CAMK1D: variants seen among roughly 807,000 people sequenced by gnomAD.
CAMK1D encodes the protein calcium/calmodulin dependent protein kinase ID.
A neutral mutation model predicts 47.7 loss-of-function variants in CAMK1D; 9 were observed. The observed-to-expected ratio is 0.19, with a 90% CI of 0.11 to 0.33. CAMK1D has a LOEUF of 0.33. Among genes scored for constraint, CAMK1D ranks in the 10% least tolerant of loss-of-function variants. The pLI is 1.00. For synonymous variants in CAMK1D, 184 were observed against 184.9 expected (o/e 0.99, Z 0.04); for missense variants, 291 against 488.7 (o/e 0.60, Z 3.81).
At chr10:12,819,736 C>G (rs898651287) in intron 8 of CAMK1D, among the ~76,000 whole-genome samples, 8 of 152,116 alleles carry the variant, frequency 5.3e-5, no homozygotes, top group Non-Finnish European at 1.0e-4. Context: ...TTTTAGACAA[C>G]CCAATCTGGT....
intron 1 of CAMK1D, among the ~76,000 whole-genome samples, chr10:12,431,873 G>A (rs1832487832): frequency 6.6e-6 from 1 of 152,242 alleles, no homozygotes; most frequent in African/African-American, 2.4e-5. Flanking sequence ...AACCTCTGAT[G>A]ATTCCTGACT....
chr10:12,786,305 CA>C (rs1171447319), intron 5 of CAMK1D, among the ~76,000 whole-genome samples: 3 of 152,176 alleles, frequency 2.0e-5, no homozygotes, highest in Admixed American at 2.0e-4. Context: ...CACCAGAAGA[CA>C]AATAGTTTAC....
In CAMK1D at chr10:12,825,588, A is replaced by C; in HGVS notation, c.937A>C (p.Thr313Pro). The C allele has an allele frequency of 6.2e-7, 1 of 1,605,302 alleles. No homozygotes were observed. Residue 313 changes from threonine to proline, a missense_variant, in exon 10 of 11, where the codon ACG (threonine) becomes CCG (proline). This residue lies in a region of CAMK1D where 219 missense variants were observed against 424.3 expected (regional missense o/e 0.52). Transcript: ENST00000619168. ...GAAATTTCAGCAAGCATTTAATGCC[A>C]CGGCCGTCGTCAGACATATGAGAAA... is the stretch of plus-strand genomic sequence containing the variant. ...KSKWRQAFNATAVVRHMRKLH... is the reference protein window; with the variant it reads ...KSKWRQAFNAPAVVRHMRKLH...
At chr10:12,518,095 G>T (rs1219742231) in intron 1 of CAMK1D, among the ~76,000 whole-genome samples, 3 of 152,082 alleles carry the variant, frequency 2.0e-5, no homozygotes, top group African/African-American at 7.2e-5. Context: ...CAGATTGCCT[G>T]TTTTTTCTCA....
chr10:12,580,487 CT>C (rs1837631651), intron 2 of CAMK1D, among the ~76,000 whole-genome samples: 1 of 152,094 alleles, frequency 6.6e-6, no homozygotes, highest in South Asian at 2.1e-4. Flanking sequence ...CCTCTGAGAA[CT>C]TGGTTTCCGA....
At chr10:12,573,262 G>A (rs1837382820) in intron 2 of CAMK1D, among the ~76,000 whole-genome samples, 1 of 152,230 alleles carries the variant, frequency 6.6e-6, no homozygotes, top group South Asian at 2.1e-4. Flanking sequence ...CTGATGCTGG[G>A]TTTGCTTCTG....
chr10:12,751,063 TAAGATAA>T (rs1835930549), intron 3 of CAMK1D, among the ~76,000 whole-genome samples: 1 of 6,164 alleles, frequency 1.6e-4, no homozygotes, highest in East Asian at 3.5e-3. Flanking sequence ...TAAGATAAGA[TAAGATAA>T]GATAAGATAA....
chr10:12,363,665 G>GTTTTTT (rs1165886868), intron 1 of CAMK1D, among the ~76,000 whole-genome samples: 1 of 117,106 alleles, frequency 8.5e-6, no homozygotes. Flanking sequence ...GTTTCCTAAG[G>GTTTTTT]TTTTTTTTTT....
intron 1 of CAMK1D, among the ~76,000 whole-genome samples, chr10:12,452,614 C>T (rs1307166181): frequency 1.3e-5 from 2 of 151,166 alleles, no homozygotes; most frequent in Non-Finnish European, 2.9e-5. Flanking sequence ...GAGACCGAGT[C>T]TCACTCTGTC....
chr10:12,570,818 G>T (rs747358619), intron 2 of CAMK1D, among the ~76,000 whole-genome samples: 2 of 152,060 alleles, frequency 1.3e-5, no homozygotes, highest in Non-Finnish European at 2.9e-5. Context: ...AGGCGTGGTA[G>T]AGCATGCCTG....
intron 2 of CAMK1D, among the ~76,000 whole-genome samples, chr10:12,629,469 T>A (rs1564455922): frequency 6.6e-6 from 1 of 152,210 alleles, no homozygotes; most frequent in Non-Finnish European, 1.5e-5. Context: ...GTGAGTCCTT[T>A]CTTCCAGATT....
At chr10:12,541,656 A>G (rs1588613497) in intron 1 of CAMK1D, among the ~76,000 whole-genome samples, 2 of 151,526 alleles carry the variant, frequency 1.3e-5, no homozygotes, top group Admixed American at 6.6e-5. Flanking sequence ...CACTGCGCCC[A>G]GCTGACTTCA....
Position 12,507,891 on chromosome 10 carries a change from T to C in CAMK1D, c.93-45334T>C, listed in dbSNP as rs138039877. ...TGCTTCTCAGGTTTGTATTCTAGAA[T>C]TCACCCCCTCTTCTCTCATCCCTCT... On this transcript the variant is annotated intron_variant, in intron 1 of 10. Transcript: ENST00000619168. 5.1e-3 allele frequency among the ~76,000 whole-genome samples: 773 copies of C among 152,284 alleles called. 8 individuals carry two copies. Among genetic ancestry groups the C allele is most frequent in the African/African-American group, 0.018 (751 of 41,548 alleles).
At chr10:12,791,507 C>T (rs1032742674) in intron 6 of CAMK1D, among the ~76,000 whole-genome samples, 7 of 152,166 alleles carry the variant, frequency 4.6e-5, no homozygotes, top group African/African-American at 1.7e-4. Flanking sequence ...CCCTGGAAAC[C>T]TCTGTACTCT....
chr10:12,598,726 A>C (rs1488943148), intron 2 of CAMK1D, among the ~76,000 whole-genome samples: 1 of 152,196 alleles, frequency 6.6e-6, no homozygotes, highest in Admixed American at 6.5e-5. Context: ...CTTTACTTTG[A>C]GGTGGTCCAT....
chr10:12,433,203 A>G (rs995338298), intron 1 of CAMK1D, among the ~76,000 whole-genome samples: 6 of 152,064 alleles, frequency 3.9e-5, no homozygotes, highest in African/African-American at 1.2e-4. Context: ...GAGATCCCCC[A>G]TCTCCCTGCT....
intron 5 of CAMK1D, among the ~76,000 whole-genome samples, chr10:12,784,771 T>C (rs987988037): frequency 2.6e-5 from 4 of 152,244 alleles, no homozygotes; most frequent in East Asian, 3.8e-4. Context: ...GGCAGCAAAG[T>C]TGACTTGTAG....
At chr10:12,578,336 T>C (rs1273844498) in intron 2 of CAMK1D, among the ~76,000 whole-genome samples, 1 of 152,030 alleles carries the variant, frequency 6.6e-6, no homozygotes, top group Non-Finnish European at 1.5e-5. Flanking sequence ...TTGGGGAGGC[T>C]TAGGCGGATG....
intron 2 of CAMK1D, among the ~76,000 whole-genome samples, chr10:12,556,431 T>A (rs2132279800): frequency 6.6e-6 from 1 of 152,296 alleles, no homozygotes; most frequent in East Asian, 1.9e-4. Context: ...TGTAGTAGCA[T>A]GGCCAGGGCC....
Sources: gnomAD v4.1 joint callset for allele counts (sites outside exome capture counted in the v4.1 genomes callset) on GRCh38, gnomAD v4.1.1 for gene constraint, gnomAD v4.1.1 regional missense constraint, MANE v1.5 for transcripts, NCBI Gene and HGNC (gene_info 2026-07-23, HGNC 2026-07-21) for gene names.